The following DIP2B variants were observed in gnomAD, a reference collection of about 807,000 sequenced individuals.
The protein encoded by DIP2B is DIP2 acetate--CoA ligase B (putative), also known as disco-interacting protein 2 homolog B.
DIP2B carries 76 observed loss-of-function variants against 198.0 expected under a neutral mutation model. The observed-to-expected ratio is 0.38, with a 90% CI of 0.32 to 0.46. The LOEUF is 0.46. DIP2B is among the 20% of genes least tolerant of loss of function. DIP2B has a pLI of 0.99. For synonymous variants in DIP2B, 701 were observed against 739.1 expected (o/e 0.95, Z 0.84); for missense variants, 1,559 against 1,978.4 (o/e 0.79, Z 4.02).
chr12:50,635,153 AG>A (rs1938135367), intron 2 of DIP2B, among the ~76,000 whole-genome samples: 1 of 152,242 alleles, frequency 6.6e-6, no homozygotes, highest in South Asian at 2.1e-4. Flanking sequence ...AAGGAGAGGC[AG>A]GATACTGCTC....
intron 25 of DIP2B, among the ~76,000 whole-genome samples, chr12:50,719,933 A>G (rs1465514685): frequency 6.8e-6 from 1 of 147,956 alleles, no homozygotes; most frequent in Non-Finnish European, 1.5e-5. Context: ...AAAAAAATAT[A>G]TATATGTATT....
intron 3 of DIP2B, among the ~76,000 whole-genome samples, chr12:50,648,146 A>C (rs2139496128): frequency 6.6e-6 from 1 of 152,204 alleles, no homozygotes; most frequent in East Asian, 1.9e-4. Flanking sequence ...AAACCAAAAG[A>C]ATAGGAGCAG....
At chr12:50,678,180 G>C (rs1474722933) in intron 7 of DIP2B, among the ~76,000 whole-genome samples, 1 of 151,462 alleles carries the variant, frequency 6.6e-6, no homozygotes, top group Non-Finnish European at 1.5e-5. Flanking sequence ...AGGTATAACT[G>C]TTACTATCCC....
intron 1 of DIP2B, among the ~76,000 whole-genome samples, chr12:50,561,535 G>A (rs1958519373): frequency 6.6e-6 from 1 of 152,088 alleles, no homozygotes; most frequent in South Asian, 2.1e-4. Flanking sequence ...TTGCATCTCA[G>A]ATAACAGAAC....
chr12:50,579,575 G>A (rs1390555666), intron 1 of DIP2B, among the ~76,000 whole-genome samples: 1 of 127,154 alleles, frequency 7.9e-6, no homozygotes, highest in Non-Finnish European at 1.6e-5. Flanking sequence ...TCATGGCACT[G>A]TACTCCAGCC....
chr12:50,534,067 A>G (rs1378107044), intron 1 of DIP2B, among the ~76,000 whole-genome samples: 2 of 152,164 alleles, frequency 1.3e-5, no homozygotes, highest in African/African-American at 2.4e-5. Flanking sequence ...TCCTTACTCT[A>G]ACTCATTCCC....
At chr12:50,657,712 T>A (rs767712171) in intron 3 of DIP2B, among the ~76,000 whole-genome samples, 22 of 151,360 alleles carry the variant, frequency 1.5e-4, no homozygotes, top group Non-Finnish European at 2.5e-4. Flanking sequence ...TAAGGAAATA[T>A]CAAGCAAGCC....
At position 50,580,712 on chromosome 12, in the gene DIP2B, T is replaced by TA. The variant is rs907197313; in HGVS notation, c.101-45263dup. Among the ~76,000 whole-genome samples the TA allele has an allele frequency of 8.1e-5, 12 of 148,512 alleles. 1 individual carries two copies. The highest frequency in any genetic ancestry group is 2.1e-4 in the Admixed American group (3 of 14,376). On this transcript the variant is annotated intron_variant, in intron 1 of 37. Coordinates refer to ENST00000301180, the MANE Select transcript of DIP2B (RefSeq NM_173602.3). ...CCGTCAGGGTACATTTGGCAAGGTCTAGAGACATTTTTGGTTGTCAGAGCT... is the reference window on the plus strand; with the variant it reads ...CCGTCAGGGTACATTTGGCAAGGTCTAAGAGACATTTTTGGTTGTCAGAGCT...
intron 13 of DIP2B, among the ~76,000 whole-genome samples, chr12:50,692,132 A>T (rs1262968093): frequency 6.6e-6 from 1 of 152,114 alleles, no homozygotes; most frequent in Non-Finnish European, 1.5e-5. Flanking sequence ...ATTTTTGAAT[A>T]TTAAAGATAT....
chr12:50,574,090 A>G (rs906475596), intron 1 of DIP2B, among the ~76,000 whole-genome samples: 1 of 152,222 alleles, frequency 6.6e-6, no homozygotes, highest in Non-Finnish European at 1.5e-5. Context: ...CATTTTACAA[A>G]CAAATGTGAA....
chr12:50,565,281 G>A (rs1247909660), intron 1 of DIP2B, among the ~76,000 whole-genome samples: 1 of 150,856 alleles, frequency 6.6e-6, no homozygotes, highest in Non-Finnish European at 1.5e-5. Flanking sequence ...GCAGGCATGA[G>A]CCACCATGCC....
intron 1 of DIP2B, among the ~76,000 whole-genome samples, chr12:50,579,283 T>G (rs971943875): frequency 3.3e-5 from 5 of 152,038 alleles, no homozygotes; most frequent in African/African-American, 1.2e-4. Flanking sequence ...TACAGTGAAC[T>G]GATAGTGATT....
At chr12:50,598,972 C>A in intron 1 of DIP2B, among the ~76,000 whole-genome samples, 1 of 67,804 alleles carries the variant, frequency 1.5e-5, no homozygotes. Flanking sequence ...AGTATTGGGT[C>A]AACACATATA....
intron 25 of DIP2B, 33 bp downstream of exon 25, chr12:50,719,068 TGACTACTATAG>T: frequency 6.2e-7 from 1 of 1,606,124 alleles, no homozygotes; most frequent in South Asian, 1.1e-5. Flanking sequence ...TCTAATCAGC[TGACTACTATAG>T]GACCATCTTA....
intron 18 of DIP2B, among the ~76,000 whole-genome samples, chr12:50,698,751 AT>A (rs1335606364): frequency 1.3e-5 from 2 of 152,224 alleles, no homozygotes; most frequent in African/African-American, 2.4e-5. Context: ...TTGCCAAGCC[AT>A]TGGGACTGGC....
chr12:50,719,325 A>C (rs1206134344), intron 25 of DIP2B, among the ~76,000 whole-genome samples: 1 of 152,180 alleles, frequency 6.6e-6, no homozygotes, highest in Non-Finnish European at 1.5e-5. Flanking sequence ...ATAGATACAC[A>C]GATGTTCACA....
intron 26 of DIP2B, among the ~76,000 whole-genome samples, chr12:50,722,946 A>G (rs1365075754): frequency 6.6e-6 from 1 of 152,196 alleles, no homozygotes; most frequent in Admixed American, 6.5e-5. Context: ...TAATATCAAT[A>G]TACCTTCTTC....
intron 1 of DIP2B, among the ~76,000 whole-genome samples, chr12:50,601,490 G>A (rs897145160): frequency 1.3e-5 from 2 of 151,744 alleles, no homozygotes; most frequent in South Asian, 2.1e-4. Flanking sequence ...GACTAGAGAC[G>A]CCCAGCTAAT....
At chr12:50,717,017 C>T (rs979445065) in intron 23 of DIP2B, among the ~76,000 whole-genome samples, 1 of 113,988 alleles carries the variant, frequency 8.8e-6, no homozygotes, top group Non-Finnish European at 1.7e-5. Flanking sequence ...GGCTGGAGTA[C>T]AGTAGCGTGA....
Sources: allele counts gnomAD v4.1 joint callset (sites outside exome capture counted in the v4.1 genomes callset), GRCh38; gene constraint gnomAD v4.1.1; transcripts MANE v1.5; gene names NCBI Gene and HGNC (gene_info 2026-07-23, HGNC 2026-07-21).